ANKH: variants seen among roughly 807,000 people sequenced by gnomAD.
The protein encoded by ANKH is ANKH inorganic pyrophosphate transport regulator.
Under a neutral mutation model 49.0 loss-of-function variants are expected in ANKH, and 15 were observed. The observed-to-expected ratio is 0.31, with a 90% CI of 0.20 to 0.47. The LOEUF (loss-of-function observed/expected upper bound fraction) is 0.47, where lower values mean the gene tolerates loss of function less well. Among genes scored for constraint, ANKH ranks in the 20% least tolerant of loss-of-function variants. ANKH has a pLI of 1.00. For synonymous variants in ANKH, 273 were observed against 260.0 expected, an observed-to-expected ratio of 1.05 and a Z score of -0.48; for missense variants, 429 against 652.0, an observed-to-expected ratio of 0.66 and a Z score of 3.72.
chr5:14,788,989 G>A (rs1485877129), intron 1 of ANKH, among the ~76,000 whole-genome samples: 1 of 152,188 alleles, frequency 6.6e-6, no homozygotes, highest in African/African-American at 2.4e-5. Flanking sequence ...AGCACTTTGG[G>A]AGGCCGAGGC....
chr5:14,720,890 G>A (rs914206265), intron 8 of ANKH, among the ~76,000 whole-genome samples: 4 of 152,244 alleles, frequency 2.6e-5, no homozygotes, highest in East Asian at 1.9e-4. Context: ...AAAGGAGGGT[G>A]TAATTGCACG....
intron 1 of ANKH, among the ~76,000 whole-genome samples, chr5:14,843,831 C>T (rs1741883807): frequency 6.6e-6 from 1 of 152,188 alleles, no homozygotes; most frequent in Admixed American, 6.5e-5. Flanking sequence ...GAAATCTCGA[C>T]TCACTTTAAC....
rs2126374209 is a variant in ANKH, at chr5:14,706,168, A to G, written c.*5029T>C. 6.6e-6 allele frequency: 1 copy of G among 152,212 alleles called. No homozygotes were observed. The highest frequency in any genetic ancestry group is 1.9e-4 in the East Asian group (1 of 5,200). The allele number at this position is 152,212 out of a possible 1,614,324, so 9.4% of individuals were successfully genotyped here. On this transcript the variant is annotated 3_prime_UTR_variant, in exon 12 of 12. Transcript: ENST00000284268. ...GTAGACGCTAATGTCAAGTCTTGTT[A>G]GTAAAGTGCACTTTAAGTTATGTAG...
At chr5:14,764,099 TA>T (rs1013062126) in intron 2 of ANKH, among the ~76,000 whole-genome samples, 1 of 73,040 alleles carries the variant, frequency 1.4e-5, no homozygotes, top group Non-Finnish European at 2.8e-5. Context: ...TAAATAAAAA[TA>T]AAAAAAGTGA....
chr5:14,833,606 G>A (rs374190705), intron 1 of ANKH, among the ~76,000 whole-genome samples: 2 of 152,290 alleles, frequency 1.3e-5, no homozygotes, highest in African/African-American at 4.8e-5. Context: ...GGTGAAAAAG[G>A]CTGCTGCACC....
chr5:14,733,993 A>C (rs1738088586), intron 8 of ANKH, among the ~76,000 whole-genome samples: 1 of 152,242 alleles, frequency 6.6e-6, no homozygotes, highest in African/African-American at 2.4e-5. Flanking sequence ...TAAGGTATTA[A>C]TCATGGAAGT....
intron 2 of ANKH, among the ~76,000 whole-genome samples, chr5:14,764,469 A>G (rs1292651877): frequency 6.6e-6 from 1 of 152,238 alleles, no homozygotes; most frequent in Non-Finnish European, 1.5e-5. Flanking sequence ...TTCGCCAACA[A>G]GGAGCCCACC....
intron 8 of ANKH, among the ~76,000 whole-genome samples, chr5:14,726,508 G>A (rs1446457712): frequency 1.3e-5 from 2 of 152,154 alleles, no homozygotes; most frequent in Non-Finnish European, 2.9e-5. Flanking sequence ...GACTGGTGGG[G>A]AAGGGAGAAG....
chr5:14,739,439 A>G (rs1738285422), intron 8 of ANKH, among the ~76,000 whole-genome samples: 1 of 151,930 alleles, frequency 6.6e-6, no homozygotes, highest in Non-Finnish European at 1.5e-5. Flanking sequence ...AAAGAGAAAA[A>G]TCTCCCTTTA....
intron 1 of ANKH, among the ~76,000 whole-genome samples, chr5:14,857,909 C>T (rs1265095180): frequency 1.3e-5 from 2 of 152,136 alleles, no homozygotes; most frequent in African/African-American, 4.8e-5. Context: ...GGGTGTGGGG[C>T]CGCTCTGCAG....
intron 1 of ANKH, among the ~76,000 whole-genome samples, chr5:14,832,928 C>T (rs192911675): frequency 3.3e-5 from 5 of 152,292 alleles, no homozygotes; most frequent in East Asian, 3.9e-4. Context: ...TATTACTAGC[C>T]GACCTTCCCG....
At chr5:14,734,070 C>T (rs889927804) in intron 8 of ANKH, among the ~76,000 whole-genome samples, 2 of 152,204 alleles carry the variant, frequency 1.3e-5, no homozygotes, top group African/African-American at 4.8e-5. Flanking sequence ...ACTGACCTCT[C>T]CCTATTGCTA....
chr5:14,841,884 G>A (rs1459721083), intron 1 of ANKH, among the ~76,000 whole-genome samples: 4 of 152,134 alleles, frequency 2.6e-5, no homozygotes, highest in South Asian at 2.1e-4. Flanking sequence ...CTTGAAGGGT[G>A]GTCTATATTG....
Position 14,745,743 on chromosome 5 carries a change from C to T in ANKH, c.915+127G>A, listed in dbSNP as rs552632338. The T allele has an allele frequency of 5.6e-5, 46 of 820,036 alleles. 1 individual carries two copies. The highest frequency in any genetic ancestry group is 3.3e-4 in the South Asian group (23 of 69,604). 50.8% of individuals were successfully genotyped at this position (820,036 alleles called of 1,614,324 possible). On this transcript the variant is annotated intron_variant, in intron 7 of 11. Transcript: ENST00000284268. This position sits in a 1 kb window ranked among gnomAD's most constrained non-coding sequence, Gnocchi z 4.7. ...GAAAATATTCCTTCAATGCCCCCAA[C>T]GTCACATTAACCTTACAAAGGGAAG...
intron 1 of ANKH, among the ~76,000 whole-genome samples, chr5:14,773,714 C>T (rs376069950): frequency 6.6e-6 from 1 of 152,264 alleles, no homozygotes; most frequent in East Asian, 1.9e-4. Context: ...GCACAGGGCA[C>T]GAAGCAGTGG....
intron 1 of ANKH, among the ~76,000 whole-genome samples, chr5:14,840,812 G>C (rs1037422882): frequency 6.6e-6 from 1 of 152,172 alleles, no homozygotes. Flanking sequence ...GGAAGGTTCT[G>C]ACACCTAAAG....
rs562570461 is a variant in ANKH at position 14,857,365 on chromosome 5, A to C, written c.96+13987T>G. On this transcript the variant is annotated intron_variant, in intron 1 of 11. Coordinates refer to ENST00000284268, the MANE Select transcript of ANKH (RefSeq NM_054027.6). ...GAGGCAGTTTAAAAGTATTACATTA[A>C]GAAAAACTGCTGGGTGCAGTGGCTT... 1.6e-4 allele frequency among the ~76,000 whole-genome samples: 24 copies of C among 152,342 alleles called. No homozygotes were observed. The South Asian group carries it at 5.0e-3, about 32-fold the overall frequency.
At chr5:14,852,619 T>G (rs752839961) in intron 1 of ANKH, among the ~76,000 whole-genome samples, 7 of 152,200 alleles carry the variant, frequency 4.6e-5, no homozygotes, top group Admixed American at 1.3e-4. Flanking sequence ...TTTTGTCACC[T>G]GGAGTGTAAA....
intron 1 of ANKH, among the ~76,000 whole-genome samples, chr5:14,843,441 G>A (rs372705450): frequency 1.3e-4 from 20 of 150,904 alleles, no homozygotes; most frequent in East Asian, 3.9e-4. Context: ...CTCCCAAAGC[G>A]CTGGGATTAC....
Sources: allele counts gnomAD v4.1 joint callset (sites outside exome capture counted in the v4.1 genomes callset), GRCh38; gene constraint gnomAD v4.1.1; non-coding constraint Gnocchi (gnomAD v3.1); transcripts MANE v1.5; gene names NCBI Gene and HGNC (gene_info 2026-07-23, HGNC 2026-07-21).